The following BOD1 variants were observed in gnomAD, a reference collection of about 807,000 sequenced individuals.
BOD1 encodes biorientation of chromosomes in cell division protein 1.
A neutral mutation model predicts 15.7 loss-of-function variants in BOD1; 11 were observed. The ratio of observed to expected loss-of-function variants is 0.70; its 90% confidence interval spans 0.44 to 1.16. BOD1 has a LOEUF of 1.16. BOD1 is among the 50% of genes most tolerant of loss of function. BOD1 has a pLI of 0.00. For synonymous variants in BOD1, 105 were observed against 103.5 expected, an observed-to-expected ratio of 1.01 and a Z score of -0.09; for missense variants, 182 against 244.5, an observed-to-expected ratio of 0.74 and a Z score of 1.70.
intron 3 of BOD1, 74 bp from the exon 4 acceptor site, chr5:173,608,366 G>A (rs1461633253): frequency 8.6e-7 from 1 of 1,165,526 alleles, no homozygotes; most frequent in Admixed American, 1.9e-5. Context: ...TGTTCCTAAA[G>A]GAATTTACAA....
chr5:173,616,432 G>C lies in BOD1; in HGVS notation c.5C>G (p.Ala2Gly). The C allele has an allele frequency of 6.4e-7, 1 of 1,552,766 alleles. No individual in the cohort carries two copies. The highest frequency in any genetic ancestry group is 8.6e-7 in the Non-Finnish European group (1 of 1,160,916). The change falls in exon 1 of 4, where the codon GCG becomes GGG. Residue 2 changes from alanine to glycine, a missense_variant. Coordinates refer to ENST00000311086, the MANE Select transcript of BOD1 (RefSeq NM_138369.3). M[A>G]DGGGGGGTGA... ...AGTTCCCCCGCCGCCGCCGCCGTCC[G>C]CCATGGCTGCGCCCCGGGCCCACAA...
Position 173,616,515 on chromosome 5 carries a change from T to G in BOD1, c.-79A>C. ...GAAGGCCTAGAACGTGTAGAGGTGG[T>G]GAAGGGGGCGGTGAAGGAGGAGGGC... On this transcript the variant is annotated 5_prime_UTR_variant, in exon 1 of 4. Coordinates refer to ENST00000311086, the MANE Select transcript of BOD1 (RefSeq NM_138369.3). 3.4e-6 allele frequency: 5 copies of G among 1,480,838 alleles called. No homozygotes were observed. Among genetic ancestry groups the G allele is most frequent in the South Asian group, 1.3e-5 (1 of 77,178 alleles). The allele number at this position is 1,480,838 out of a possible 1,614,324, so 91.7% of individuals were successfully genotyped here.
rs574664746 is a variant in BOD1 at position 173,615,153 on chromosome 5, C to T, written c.237+1047G>A. On this transcript the variant is annotated intron_variant, in intron 1 of 3. Transcript: ENST00000311086. ...TTTCAAGGACAGACTTCTAGTTGGG[C>T]TTTTCATCTTGGAGAAGGAACAGTG... Among the ~76,000 whole-genome samples the T allele has an allele frequency of 7.9e-5, 12 of 152,312 alleles. No homozygotes were observed. In the East Asian group the frequency reaches 1.9e-3, roughly 24 times the overall value.
At chr5:173,611,291 G>C (rs1755345364) in intron 2 of BOD1, among the ~76,000 whole-genome samples, 1 of 152,246 alleles carries the variant, frequency 6.6e-6, no homozygotes, top group African/African-American at 2.4e-5. Context: ...CCTCTAGGCT[G>C]TGGCACTGGG....
intron 2 of BOD1, 150 bp downstream of exon 2, chr5:173,612,981 T>G (rs1234047319): frequency 2.7e-6 from 3 of 1,099,744 alleles, no homozygotes; most frequent in African/African-American, 1.6e-5. Flanking sequence ...CCTTTAACCT[T>G]AATTATAACA....
Position 173,607,922 on chromosome 5 carries a change from A to G in BOD1, c.*372T>C. Reference sequence around the variant, plus strand: ...TTTGAAATTGTCTTTGGGACTGGCTATGTTCTCACTGTAGCTTCCGTTTAT... The same window carrying G: ...TTTGAAATTGTCTTTGGGACTGGCTGTGTTCTCACTGTAGCTTCCGTTTAT... On this transcript the variant is annotated 3_prime_UTR_variant, in exon 4 of 4. Transcript: ENST00000311086. 3.8e-6 allele frequency: 1 copy of G among 259,808 alleles called. No homozygotes were observed. The highest frequency in any genetic ancestry group is 2.2e-5 in the African/African-American group (1 of 45,930). 16.1% of individuals were successfully genotyped at this position (259,808 alleles called of 1,614,324 possible). A position where few individuals can be genotyped will look rare whatever the true frequency, so the allele number is the denominator to read the frequency against.
Position 173,609,584 on chromosome 5 carries a change from C to T in BOD1, c.363-150G>A, listed in dbSNP as rs58591393. 2.9e-3 allele frequency: 2,020 copies of T among 699,858 alleles called. 21 individuals are homozygous for T. The highest frequency in any genetic ancestry group is 0.028 in the African/African-American group (1,593 of 55,956). 43.4% of individuals were successfully genotyped at this position (699,858 alleles called of 1,614,324 possible). ...TAGAGGTCAATCCACTTACCATATA[C>T]AGCTCACGCTATTTTCACTTTTGAG... On this transcript the variant is annotated intron_variant, in intron 2 of 3. Transcript: ENST00000311086.
chr5:173,616,579 G>C lies in BOD1; in HGVS notation c.-143C>G. ...CGGCGGAGGTGGCGATGGCGGCAGGGGCGGTGGTGGGGGCGGCGGCGGCGA... is the reference window on the plus strand; with the variant it reads ...CGGCGGAGGTGGCGATGGCGGCAGGCGCGGTGGTGGGGGCGGCGGCGGCGA... On this transcript the variant is annotated 5_prime_UTR_variant, in exon 1 of 4. Transcript: ENST00000311086. The C allele has an allele frequency of 1.5e-6, 2 of 1,369,864 alleles. No homozygotes were observed. Among genetic ancestry groups the C allele is most frequent in the African/African-American group, 1.5e-5 (1 of 64,814 alleles). The allele number at this position is 1,369,864 out of a possible 1,614,324, so 84.9% of individuals were successfully genotyped here.
Position 173,613,153 on chromosome 5 carries a change from C to CA in BOD1, c.339dup (p.Gly114TrpfsTer29). 1 of 1,614,110 alleles carries CA rather than the reference C, an allele frequency of 6.2e-7. No individual in the cohort carries two copies. Among genetic ancestry groups the CA allele is most frequent in the Non-Finnish European group, 8.5e-7 (1 of 1,179,980 alleles). On this transcript the variant is annotated frameshift_variant, in exon 2 of 4. Coordinates refer to ENST00000311086, the MANE Select transcript of BOD1 (RefSeq NM_138369.3). LOFTEE classifies it high-confidence loss of function. ...TACTGAACCACACTCTGCCTCAGAC[C>CA]ATTTCGCAACTGGTTTTTGTTCATC... is the stretch of plus-strand genomic sequence containing the variant.
chr5:173,616,531 G>A lies in BOD1; in HGVS notation c.-95C>T. 1 of 1,442,048 alleles carries A rather than the reference G, an allele frequency of 6.9e-7. No homozygotes were observed. Among genetic ancestry groups the A allele is most frequent in the Non-Finnish European group, 9.0e-7 (1 of 1,106,340 alleles). The allele number at this position is 1,442,048 out of a possible 1,614,324, so 89.3% of individuals were successfully genotyped here. ...TAGAGGTGGTGAAGGGGGCGGTGAA[G>A]GAGGAGGGCCCCAAGGCGGCAGCGG... On this transcript the variant is annotated 5_prime_UTR_variant, in exon 1 of 4. Transcript: ENST00000311086.
At chr5:173,610,105 A>G (rs1276803008) in intron 2 of BOD1, among the ~76,000 whole-genome samples, 1 of 152,248 alleles carries the variant, frequency 6.6e-6, no homozygotes, top group East Asian at 1.9e-4. Context: ...ATCAATGTCT[A>G]TATTCAAACA....
intron 1 of BOD1, 126 bp downstream of exon 1, chr5:173,616,074 G>GT (rs1181059692): frequency 3.2e-6 from 4 of 1,260,362 alleles, no homozygotes; most frequent in South Asian, 1.4e-5. Context: ...CCCAAGCGGT[G>GT]TAAGACCTCA....
Position 173,616,627 on chromosome 5 carries a change from G to A in BOD1, c.-191C>T. ...CGAAGGCCCCCTCTGATACAGCAGA[G>A]GTTGTGGTGGACGCGGCAGAAACGG... On this transcript the variant is annotated 5_prime_UTR_variant, in exon 1 of 4. Coordinates refer to ENST00000311086, the MANE Select transcript of BOD1 (RefSeq NM_138369.3). The A allele has an allele frequency of 2.3e-6, 3 of 1,321,120 alleles. No homozygotes were observed. The highest frequency in any genetic ancestry group is 2.9e-6 in the Non-Finnish European group (3 of 1,040,526). 81.8% of individuals were successfully genotyped at this position (1,321,120 alleles called of 1,614,324 possible). A position where few individuals can be genotyped will look rare whatever the true frequency, so the allele number is the denominator to read the frequency against.
chr5:173,614,671 G>GA (rs935148878), intron 1 of BOD1: 3 of 152,192 alleles, frequency 2.0e-5, no homozygotes, highest in Non-Finnish European at 2.9e-5. Flanking sequence ...AGATATGCCT[G>GA]AAAAAACACT....
intron 2 of BOD1, 196 bp from the exon 3 acceptor site, chr5:173,609,630 C>G (rs1755296110): frequency 3.5e-6 from 2 of 570,390 alleles, no homozygotes; most frequent in South Asian, 2.3e-5. Flanking sequence ...CAACCAGCAG[C>G]TGTTATTCCT....
At chr5:173,616,104 A>G (rs1755489059) in intron 1 of BOD1, 96 bp downstream of exon 1, 1 of 1,457,402 alleles carries the variant, frequency 6.9e-7, no homozygotes, top group Non-Finnish European at 9.3e-7. Context: ...TTTCTAAGCT[A>G]TCTTTTGTTT....
At position 173,616,304 on chromosome 5, in the gene BOD1, G is replaced by A; in HGVS notation, c.133C>T (p.Pro45Ser). Residue 45 changes from proline to serine, a missense_variant, in exon 1 of 4, where the codon CCT (proline) becomes TCT (serine). By Grantham distance (74) the Pro-to-Ser change is moderately conservative. Transcript: ENST00000311086. Reference protein sequence around the residue: ...GGGPINPASLPPGDPQLIALI... With the variant: ...GGGPINPASLSPGDPQLIALI... The stretch of plus-strand genomic sequence containing the variant: ...GCGATGAGCTGCGGGTCGCCGGGAG[G>A]CAGCGAGGCCGGGTTGATGGGGCCA... The A allele has an allele frequency of 6.5e-7, 1 of 1,541,662 alleles. No homozygotes were observed. The highest frequency in any genetic ancestry group is 8.7e-7 in the Non-Finnish European group (1 of 1,147,262).
chr5:173,611,795 T>C (rs1755362566), intron 2 of BOD1, among the ~76,000 whole-genome samples: 1 of 152,232 alleles, frequency 6.6e-6, no homozygotes, highest in African/African-American at 2.4e-5. Flanking sequence ...TGCATACCTC[T>C]AGAATGACAT....
chr5:173,613,084 AC>A (rs1561725946), intron 2 of BOD1, 46 bp downstream of exon 2: 2 of 1,515,340 alleles, frequency 1.3e-6, no homozygotes, highest in Non-Finnish European at 1.8e-6. Flanking sequence ...TGTGCATCAC[AC>A]TTGTGATGAC....
Sources: gnomAD v4.1 joint callset for allele counts (sites outside exome capture counted in the v4.1 genomes callset) on GRCh38, gnomAD v4.1.1 for gene constraint, MANE v1.5 for transcripts, NCBI Gene and HGNC (gene_info 2026-07-23, HGNC 2026-07-21) for gene names.